The following METTL21A variants were observed in gnomAD, a reference collection of about 807,000 sequenced individuals.
The protein encoded by METTL21A is protein N-lysine methyltransferase METTL21A.
METTL21A carries 22 observed loss-of-function variants against 20.9 expected under a neutral mutation model. That is an observed-to-expected ratio of 1.05 (90% CI 0.75 to 1.50). The LOEUF (loss-of-function observed/expected upper bound fraction) is 1.50, where lower values mean the gene tolerates loss of function less well. Among genes scored for constraint, METTL21A ranks in the 40% most tolerant of loss-of-function variants. METTL21A has a pLI of 0.00. For missense variants in METTL21A, 271 were observed against 266.8 expected, an observed-to-expected ratio of 1.02 and a Z score of -0.11; for synonymous variants, 93 against 102.0, an observed-to-expected ratio of 0.91 and a Z score of 0.53.
intron 3 of METTL21A, chr2:207,601,308 T>C (rs1156963323): frequency 5.4e-6 from 1 of 185,456 alleles, no homozygotes; most frequent in Non-Finnish European, 1.1e-5. Context: ...AATTCCCTCA[T>C]CAAGTAATTC....
At chr2:207,596,092 T>C (rs2086106475) in intron 3 of METTL21A, among the ~76,000 whole-genome samples, 1 of 152,234 alleles carries the variant, frequency 6.6e-6, no homozygotes, top group Admixed American at 6.5e-5. Flanking sequence ...AGAAGTTTTA[T>C]AGTTTTAGGT....
chr2:207,584,562 G>A (rs761517707), intron 3 of METTL21A, among the ~76,000 whole-genome samples: 6 of 152,008 alleles, frequency 3.9e-5, no homozygotes, highest in East Asian at 3.9e-4. Context: ...CTGCCACCAC[G>A]TCTGATTTTT....
intron 1 of METTL21A, 81 bp from the exon 2 acceptor site, chr2:207,624,485 G>A: frequency 8.0e-7 from 1 of 1,254,754 alleles, no homozygotes; most frequent in South Asian, 2.0e-5. Context: ...ATGCTTTTAA[G>A]GTCGTTTACA....
chr2:207,600,518 C>T, intron 3 of METTL21A: 1 of 207,218 alleles, frequency 4.8e-6, no homozygotes, highest in Non-Finnish European at 9.8e-6. Flanking sequence ...AGCCTCTCCC[C>T]CAAAAGTATT....
chr2:207,613,137 C>T, exon 4 of METTL21A: 1 of 1,612,966 alleles, frequency 6.2e-7, no homozygotes, highest in Non-Finnish European at 8.5e-7. Context: ...AGTAAATTGC[C>T]TCTCCAGCAT....
At chr2:207,584,005 T>A (rs975503300) in intron 3 of METTL21A, among the ~76,000 whole-genome samples, 1 of 152,248 alleles carries the variant, frequency 6.6e-6, no homozygotes, top group African/African-American at 2.4e-5. Flanking sequence ...GTTGCATGAA[T>A]CAGTAGTTGG....
intron 3 of METTL21A, among the ~76,000 whole-genome samples, chr2:207,616,743 G>A (rs548567249): frequency 6.6e-6 from 1 of 152,282 alleles, no homozygotes; most frequent in Admixed American, 6.5e-5. Flanking sequence ...CTACTCAAGA[G>A]GCTGAGGCAG....
intron 3 of METTL21A, among the ~76,000 whole-genome samples, chr2:207,594,529 A>G (rs2085738611): frequency 6.6e-6 from 1 of 152,176 alleles, no homozygotes; most frequent in South Asian, 2.1e-4. Flanking sequence ...AGGTTCATCT[A>G]CGTTTTGGCA....
At chr2:207,615,185 G>A (rs1244566825) in intron 3 of METTL21A, among the ~76,000 whole-genome samples, 2 of 152,142 alleles carry the variant, frequency 1.3e-5, no homozygotes, top group Non-Finnish European at 2.9e-5. Context: ...AATAAAAATT[G>A]CAGACAGCCA....
chr2:207,606,277 T>A (rs774203381), downstream of METTL21A, among the ~76,000 whole-genome samples: 82 of 152,078 alleles, frequency 5.4e-4, no homozygotes, highest in Non-Finnish European at 1.1e-3. Context: ...GGTCAGGAGT[T>A]CGAGACCAGC....
chr2:207,591,106 CAGAT>C (rs2084949699), intron 3 of METTL21A, among the ~76,000 whole-genome samples: 2 of 152,216 alleles, frequency 1.3e-5, no homozygotes. Context: ...ATATCAATGT[CAGAT>C]AGGTGTAGTT....
At chr2:207,595,773 T>C (rs1196086716) in intron 3 of METTL21A, among the ~76,000 whole-genome samples, 4 of 152,102 alleles carry the variant, frequency 2.6e-5, no homozygotes, top group Non-Finnish European at 5.9e-5. Flanking sequence ...CTTAATATAT[T>C]GCCCAGGCTG....
intron 3 of METTL21A, among the ~76,000 whole-genome samples, chr2:207,585,028 G>T (rs1345095344): frequency 6.6e-6 from 1 of 151,838 alleles, no homozygotes; most frequent in Non-Finnish European, 1.5e-5. Context: ...GGAGCCTATG[G>T]ACAGGCCCAT....
chr2:207,619,212 C>T (rs1280315647), intron 3 of METTL21A, among the ~76,000 whole-genome samples: 1 of 151,230 alleles, frequency 6.6e-6, no homozygotes, highest in Non-Finnish European at 1.5e-5. Flanking sequence ...TTTACCTCTA[C>T]CCACTAAACT....
chr2:207,605,001 T>C (rs1033193230), downstream of METTL21A, among the ~76,000 whole-genome samples: 6 of 152,226 alleles, frequency 3.9e-5, no homozygotes. Flanking sequence ...TTGTTTCTAC[T>C]GTTTGGCTAA....
intron 3 of METTL21A, among the ~76,000 whole-genome samples, chr2:207,592,587 ATTC>A (rs1490227760): frequency 2.6e-5 from 4 of 151,802 alleles, no homozygotes; most frequent in African/African-American, 9.7e-5. Context: ...TATTTATCTT[ATTC>A]TTCTTGTGTC....
chr2:207,581,957 A>C, exon 4 of METTL21A: 1 of 702,490 alleles, frequency 1.4e-6, no homozygotes, highest in South Asian at 1.5e-5. Flanking sequence ...CTATGGATAG[A>C]TTGAGATAAT....
intron 3 of METTL21A, among the ~76,000 whole-genome samples, chr2:207,604,078 C>T (rs1484765035): frequency 1.3e-5 from 2 of 152,166 alleles, no homozygotes; most frequent in African/African-American, 2.4e-5. Context: ...ATATTAATTA[C>T]ATGAGGGACA....
chr2:207,625,881 G>A (rs1236933476), upstream of METTL21A: 1 of 152,282 alleles, frequency 6.6e-6, no homozygotes, highest in Non-Finnish European at 1.5e-5. Flanking sequence ...CCCGCTTGGC[G>A]GCAATCGAGT....
Sources: gnomAD v4.1 joint callset for allele counts (sites outside exome capture counted in the v4.1 genomes callset) on GRCh38, gnomAD v4.1.1 for gene constraint, MANE v1.5 for transcripts, NCBI Gene and HGNC (gene_info 2026-07-23, HGNC 2026-07-21) for gene names.